Variants in CPQ observed in about 807,000 individuals in gnomAD.
The protein encoded by CPQ is Ser-Met dipeptidase.
CPQ carries 37 observed loss-of-function variants against 45.7 expected under a neutral mutation model. The observed-to-expected ratio is 0.81, with a 90% CI of 0.62 to 1.07. The LOEUF (loss-of-function observed/expected upper bound fraction) is 1.07, where lower values mean the gene tolerates loss of function less well. Ranked by LOEUF, CPQ falls within the 50% of genes least tolerant of loss-of-function variation. The pLI, the probability that CPQ is intolerant of heterozygous loss-of-function variation, is 0.00. For synonymous variants in CPQ, 186 were observed against 205.8 expected, an observed-to-expected ratio of 0.90 and a Z score of 0.82; for missense variants, 537 against 572.9, an observed-to-expected ratio of 0.94 and a Z score of 0.64.
chr8:96,890,977 G>A (rs543401581), intron 4 of CPQ, among the ~76,000 whole-genome samples: 18 of 152,192 alleles, frequency 1.2e-4, no homozygotes, highest in Non-Finnish European at 1.9e-4. Flanking sequence ...AACTTCACTC[G>A]AGCCCTGCAA....
chr8:96,839,782 T>C (rs1001613515), intron 3 of CPQ, among the ~76,000 whole-genome samples: 6 of 152,110 alleles, frequency 3.9e-5, no homozygotes, highest in Non-Finnish European at 8.8e-5. Context: ...GCTAAGTGAA[T>C]GATTGGGGGA....
At chr8:96,763,525 T>C (rs956291766) in intron 1 of CPQ, among the ~76,000 whole-genome samples, 1 of 152,138 alleles carries the variant, frequency 6.6e-6, no homozygotes, top group Non-Finnish European at 1.5e-5. Context: ...CAAACTGGAC[T>C]TCCTCAAAAT....
At chr8:96,767,635 C>CTTTTTTTTTTTTTTTTTTTTTT (rs1172189500) in intron 1 of CPQ, among the ~76,000 whole-genome samples, 1 of 39,278 alleles carries the variant, frequency 2.5e-5, no homozygotes, top group Non-Finnish European at 4.4e-5. Flanking sequence ...GTTACCTATG[C>CTTTTTTTTTTTTTTTTTTTTTT]TTTTTTTTTT....
At chr8:97,082,653 C>A (rs1046661990) in intron 7 of CPQ, among the ~76,000 whole-genome samples, 5 of 152,158 alleles carry the variant, frequency 3.3e-5, no homozygotes, top group African/African-American at 1.2e-4. Flanking sequence ...TTTAAGATCA[C>A]AGAAGTGTGC....
At chr8:96,740,090 A>G (rs1403600376) in intron 1 of CPQ, among the ~76,000 whole-genome samples, 1 of 152,046 alleles carries the variant, frequency 6.6e-6, no homozygotes, top group Non-Finnish European at 1.5e-5. Flanking sequence ...CTTCCTACCC[A>G]TGAGCATGGA....
intron 3 of CPQ, among the ~76,000 whole-genome samples, chr8:96,839,013 A>G (rs939628001): frequency 7.2e-5 from 11 of 152,038 alleles, no homozygotes; most frequent in Non-Finnish European, 1.0e-4. Context: ...TCTGAAAAGC[A>G]TTTCACCTCT....
chr8:96,906,101 G>C (rs1812572632), intron 4 of CPQ, among the ~76,000 whole-genome samples: 1 of 152,146 alleles, frequency 6.6e-6, no homozygotes, highest in South Asian at 2.1e-4. Context: ...ACCGGGTATG[G>C]AGGGGGCATC....
intron 1 of CPQ, among the ~76,000 whole-genome samples, chr8:96,740,998 T>A (rs1810080174): frequency 6.6e-6 from 1 of 152,250 alleles, no homozygotes; most frequent in Admixed American, 6.5e-5. Context: ...TAAAATGAGT[T>A]AGGAAGGATT....
chr8:96,936,676 A>G (rs1813054747), intron 4 of CPQ, among the ~76,000 whole-genome samples: 1 of 152,224 alleles, frequency 6.6e-6, no homozygotes, highest in Non-Finnish European at 1.5e-5. Flanking sequence ...ATATTTGGAA[A>G]GTATATGAAA....
intron 1 of CPQ, among the ~76,000 whole-genome samples, chr8:96,713,308 C>T (rs563908331): frequency 6.6e-6 from 1 of 152,204 alleles, no homozygotes; most frequent in East Asian, 1.9e-4. Context: ...TACCTAGTTC[C>T]AAAGTCGCTT....
intron 1 of CPQ, among the ~76,000 whole-genome samples, chr8:96,662,991 A>G (rs1808858444): frequency 6.6e-6 from 1 of 152,194 alleles, no homozygotes; most frequent in Admixed American, 6.5e-5. Flanking sequence ...TGTCTCAAAC[A>G]AAACAAAACA....
chr8:96,936,280 T>C (rs1221526390), intron 4 of CPQ, among the ~76,000 whole-genome samples: 1 of 152,210 alleles, frequency 6.6e-6, no homozygotes, highest in Non-Finnish European at 1.5e-5. Context: ...CTGAATGGAA[T>C]GGAAGTTTTG....
chr8:96,725,357 C>A (rs1809822328), intron 1 of CPQ, among the ~76,000 whole-genome samples: 1 of 152,046 alleles, frequency 6.6e-6, no homozygotes, highest in Non-Finnish European at 1.5e-5. Context: ...AATATCCAGA[C>A]TCTATAAGGA....
chr8:97,048,936 A>G (rs1417121153), intron 6 of CPQ, among the ~76,000 whole-genome samples: 1 of 152,216 alleles, frequency 6.6e-6, no homozygotes, highest in Non-Finnish European at 1.5e-5. Flanking sequence ...CTGAATCACC[A>G]AGATAAGAAT....
intron 1 of CPQ, among the ~76,000 whole-genome samples, chr8:96,744,806 T>C (rs901286684): frequency 1.3e-5 from 2 of 152,212 alleles, no homozygotes; most frequent in African/African-American, 4.8e-5. Context: ...CTAGGCAGTT[T>C]ACATTGATCA....
At chr8:96,722,016 A>G (rs1196919038) in intron 1 of CPQ, among the ~76,000 whole-genome samples, 1 of 152,084 alleles carries the variant, frequency 6.6e-6, no homozygotes, top group Non-Finnish European at 1.5e-5. Context: ...TTTATGTTTC[A>G]TACACTACCC....
At chr8:96,835,225 T>C in intron 3 of CPQ, 45 bp downstream of exon 3, 1 of 1,375,516 alleles carries the variant, frequency 7.3e-7, no homozygotes, top group Non-Finnish European at 9.6e-7. Flanking sequence ...AACAAGGGTT[T>C]TCCGTGAAGG....
chr8:96,976,247 C>CAAAA (rs55864086), intron 5 of CPQ, among the ~76,000 whole-genome samples: 174 of 60,830 alleles, frequency 2.9e-3, no homozygotes, highest in Non-Finnish European at 3.9e-3. Flanking sequence ...CAATAGCTGA[C>CAAAA]AAAAAAAAAA....
chr8:96,717,041 A>G (rs1178338147), intron 1 of CPQ, among the ~76,000 whole-genome samples: 1 of 32,892 alleles, frequency 3.0e-5, no homozygotes, highest in Non-Finnish European at 7.1e-5. Context: ...ATATATATAT[A>G]TATATATATA....
Sources: allele counts gnomAD v4.1 joint callset (sites outside exome capture counted in the v4.1 genomes callset), GRCh38; gene constraint gnomAD v4.1.1; transcripts MANE v1.5; gene names NCBI Gene and HGNC (gene_info 2026-07-23, HGNC 2026-07-21).